ATP8A2: variants seen among roughly 807,000 people sequenced by gnomAD.
The protein encoded by ATP8A2 is ATPase phospholipid transporting 8A2.
Under a neutral mutation model 165.6 loss-of-function variants are expected in ATP8A2, and 100 were observed. The ratio of observed to expected loss-of-function variants is 0.60; its 90% CI spans 0.51 to 0.71. The LOEUF is 0.71. Among genes scored for constraint, ATP8A2 ranks in the 30% least tolerant of loss-of-function variants. ATP8A2 has a pLI of 0.00. For missense variants in ATP8A2, 1,227 were observed against 1,479.5 expected (o/e 0.83, Z 2.80); for synonymous variants, 543 against 548.8 (o/e 0.99, Z 0.15).
rs146950269 is a variant in ATP8A2, at chr13:25,676,510, C to A, written c.2212-22663C>A. On this transcript the variant is annotated intron_variant, in intron 24 of 36. Transcript: ENST00000381655. The stretch of plus-strand genomic sequence containing the variant: ...TGAACTCTGCCTCAGGACATTGCAG[C>A]CCTTGTCCTGGCCACACACTTTATT... Among the ~76,000 whole-genome samples the A allele has an allele frequency of 2.3e-3, 347 of 152,168 alleles. 3 individuals carry two copies. Among genetic ancestry groups the A allele is most frequent in the African/African-American group, 8.1e-3 (337 of 41,492 alleles).
At chr13:25,464,598 G>A (rs879895077) in intron 1 of ATP8A2, among the ~76,000 whole-genome samples, 1 of 152,154 alleles carries the variant, frequency 6.6e-6, no homozygotes, top group Non-Finnish European at 1.5e-5. Context: ...GTTCCCAGAA[G>A]AGAGACCCTT....
chr13:25,880,850 C>G (rs1311864890), intron 33 of ATP8A2: 2 of 448,424 alleles, frequency 4.5e-6, no homozygotes, highest in Non-Finnish European at 8.9e-6. Flanking sequence ...AAAAAGGTGG[C>G]TCATTTTACC....
chr13:25,704,816 T>C (rs2043022528), intron 25 of ATP8A2, among the ~76,000 whole-genome samples: 1 of 152,208 alleles, frequency 6.6e-6, no homozygotes, highest in Non-Finnish European at 1.5e-5. Flanking sequence ...TTATATCATG[T>C]TGTCTGTGGT....
At chr13:25,969,865 G>A (rs961673694) in intron 35 of ATP8A2, among the ~76,000 whole-genome samples, 8 of 152,106 alleles carry the variant, frequency 5.3e-5, no homozygotes, top group East Asian at 1.9e-4. Context: ...TGATTTTACC[G>A]CAGATGTACA....
At chr13:25,824,365 A>G (rs983248698) in intron 27 of ATP8A2, among the ~76,000 whole-genome samples, 3 of 152,126 alleles carry the variant, frequency 2.0e-5, no homozygotes, top group South Asian at 2.1e-4. Context: ...GCTATATTAG[A>G]CATCTTATTG....
chr13:25,910,502 G>A (rs972536654), intron 33 of ATP8A2, among the ~76,000 whole-genome samples: 2 of 152,192 alleles, frequency 1.3e-5, no homozygotes, highest in Non-Finnish European at 2.9e-5. Context: ...AAGCTGAGCT[G>A]TTACCTTATC....
chr13:25,558,905 A>G (rs887883026), intron 13 of ATP8A2, 68 bp from the exon 14 acceptor site: 7 of 1,120,780 alleles, frequency 6.2e-6, no homozygotes, highest in Non-Finnish European at 7.8e-6. Context: ...ATAGAAGGAA[A>G]GACTTCATTT....
chr13:25,581,364 AT>A (rs1335260318), intron 22 of ATP8A2, among the ~76,000 whole-genome samples: 8 of 151,968 alleles, frequency 5.3e-5, no homozygotes, highest in Admixed American at 1.3e-4. Flanking sequence ...AGATACTTGG[AT>A]TTTTTTTCTC....
chr13:25,830,162 CCACAGCCAG>C (rs1951426145), intron 28 of ATP8A2, among the ~76,000 whole-genome samples: 1 of 151,864 alleles, frequency 6.6e-6, no homozygotes, highest in Non-Finnish European at 1.5e-5. Context: ...GCAAATGCCA[CCACAGCCAG>C]CTAATTAAAA....
chr13:25,481,211 C>G (rs958952879), intron 2 of ATP8A2, among the ~76,000 whole-genome samples: 3,500 of 150,750 alleles, frequency 0.023, 138 homozygotes, highest in African/African-American at 0.082. Flanking sequence ...GGAACAGGGA[C>G]AGGGACAGGG....
intron 33 of ATP8A2, among the ~76,000 whole-genome samples, chr13:25,935,427 A>G (rs761444514): frequency 1.5e-4 from 23 of 152,136 alleles, no homozygotes; most frequent in Non-Finnish European, 2.9e-4. Flanking sequence ...ACAAAGATTC[A>G]TTTTTACTTG....
intron 33 of ATP8A2, among the ~76,000 whole-genome samples, chr13:25,918,900 T>A (rs1022846936): frequency 6.6e-6 from 1 of 152,118 alleles, no homozygotes; most frequent in Non-Finnish European, 1.5e-5. Context: ...AGGGTGCAAA[T>A]TGCACCCTGG....
intron 8 of ATP8A2, among the ~76,000 whole-genome samples, chr13:25,540,693 C>T (rs527580316): frequency 1.3e-5 from 2 of 152,176 alleles, no homozygotes; most frequent in African/African-American, 4.8e-5. Flanking sequence ...AAGGACACAG[C>T]TTAGTGGACA....
chr13:25,581,508 C>A (rs999477414), intron 22 of ATP8A2, among the ~76,000 whole-genome samples: 5 of 152,140 alleles, frequency 3.3e-5, no homozygotes, highest in African/African-American at 1.2e-4. Context: ...AGAGGAAGGG[C>A]TCAGGTACTG....
intron 24 of ATP8A2, among the ~76,000 whole-genome samples, chr13:25,666,810 T>C (rs1267376462): frequency 6.6e-6 from 1 of 152,186 alleles, no homozygotes; most frequent in Non-Finnish European, 1.5e-5. Context: ...AATTAAGGTT[T>C]TCTGAGTAGA....
rs181126746 is a variant in ATP8A2 at position 25,586,666 on chromosome 13, G to A, written c.2147-2969G>A. On this transcript the variant is annotated intron_variant, in intron 23 of 36. Transcript: ENST00000381655. ...TGAGAACCAGTAACATGCTCACTGCGGGTTGGTACCATGTTGAATCCTGTG... is the reference window on the plus strand; with the variant it reads ...TGAGAACCAGTAACATGCTCACTGCAGGTTGGTACCATGTTGAATCCTGTG... Among the ~76,000 whole-genome samples the A allele has an allele frequency of 4.6e-5, 7 of 152,292 alleles. No homozygotes were observed. In the East Asian group the frequency reaches 1.2e-3, roughly 25 times the overall value.
At chr13:25,802,959 T>TG (rs60897047) in intron 27 of ATP8A2, among the ~76,000 whole-genome samples, 28 of 101,962 alleles carry the variant, frequency 2.7e-4, no homozygotes, top group East Asian at 9.0e-4. Flanking sequence ...AAAGGTGAGT[T>TG]TTTTTTTTTT....
At position 25,438,836 on chromosome 13, in the gene ATP8A2, C is replaced by G. The variant is rs547977778; in HGVS notation, c.77-30141C>G. Among the ~76,000 whole-genome samples, 13 of 152,046 alleles carry G rather than the reference C, an allele frequency of 8.6e-5. No homozygotes were observed. The South Asian group carries it at 1.9e-3, about 22-fold the overall frequency. On this transcript the variant is annotated intron_variant, in intron 1 of 36. Transcript: ENST00000381655. ...CCTTTTTATGGAAGAATTTTTTACCCCATATGCCTATGTGACACGGTGTGT... is the reference window on the plus strand; with the variant it reads ...CCTTTTTATGGAAGAATTTTTTACCGCATATGCCTATGTGACACGGTGTGT...
At chr13:25,834,210 A>G (rs766718988) in intron 28 of ATP8A2, among the ~76,000 whole-genome samples, 4 of 152,256 alleles carry the variant, frequency 2.6e-5, no homozygotes, top group Non-Finnish European at 5.9e-5. Flanking sequence ...TAAAGTAAGA[A>G]GTAACATCTT....
Sources: allele counts gnomAD v4.1 joint callset (sites outside exome capture counted in the v4.1 genomes callset), GRCh38; gene constraint gnomAD v4.1.1; transcripts MANE v1.5; gene names NCBI Gene and HGNC (gene_info 2026-07-23, HGNC 2026-07-21).